RGS20: variants seen among roughly 807,000 people sequenced by gnomAD.
RGS20 encodes gz-selective GTPase-activating protein.
In RGS20, 30 loss-of-function variants were observed where a neutral mutation model predicts 33.6. The observed-to-expected ratio is 0.89, with a 90% CI of 0.67 to 1.21. The LOEUF (loss-of-function observed/expected upper bound fraction) is 1.21. Ranked by LOEUF, RGS20 falls within the 50% of genes most tolerant of loss-of-function variation. The probability of loss-of-function intolerance (pLI) is 0.00; values close to 1 mark genes in which losing one functional copy is unlikely to be tolerated. For missense variants in RGS20, 472 were observed against 502.4 expected (o/e 0.94, Z 0.58); for synonymous variants, 208 against 197.9 (o/e 1.05, Z -0.43).
chr8:53,952,541 A>G (rs926867672), intron 4 of RGS20, among the ~76,000 whole-genome samples: 28 of 151,924 alleles, frequency 1.8e-4, no homozygotes, highest in African/African-American at 6.5e-4. Context: ...CCTGGCCAAC[A>G]TGGTGAAACG....
chr8:53,892,137 G>A (rs375887973), intron 2 of RGS20, among the ~76,000 whole-genome samples: 17 of 152,178 alleles, frequency 1.1e-4, no homozygotes, highest in Admixed American at 6.5e-4. Context: ...GAGAACATGC[G>A]GTGTTTGGTT....
At chr8:53,864,291 G>A (rs763365401) in intron 1 of RGS20, among the ~76,000 whole-genome samples, 1 of 151,964 alleles carries the variant, frequency 6.6e-6, no homozygotes, top group Non-Finnish European at 1.5e-5. Flanking sequence ...AAAATCAGCT[G>A]GGCATGATGG....
chr8:53,952,430 TA>T (rs934212051), intron 4 of RGS20, among the ~76,000 whole-genome samples: 24 of 142,810 alleles, frequency 1.7e-4, no homozygotes, highest in East Asian at 2.1e-4. Flanking sequence ...TTGATAAACT[TA>T]AAAAAAAAAA....
At chr8:53,885,531 A>G (rs981614571) in intron 2 of RGS20, among the ~76,000 whole-genome samples, 5 of 152,010 alleles carry the variant, frequency 3.3e-5, no homozygotes, top group African/African-American at 7.2e-5. Flanking sequence ...GGAGAATGGC[A>G]TGAACCTGGG....
chr8:53,902,257 C>T (rs1238856574), intron 2 of RGS20, among the ~76,000 whole-genome samples: 1 of 152,170 alleles, frequency 6.6e-6, no homozygotes, highest in Non-Finnish European at 1.5e-5. Context: ...GCTGTGTCCT[C>T]CCAAAGTGCT....
chr8:53,943,599 T>G (rs973120189), intron 3 of RGS20, among the ~76,000 whole-genome samples: 1 of 152,012 alleles, frequency 6.6e-6, no homozygotes, highest in Non-Finnish European at 1.5e-5. Flanking sequence ...TAAAGAAAAC[T>G]TCACAAAAAA....
At chr8:53,859,003 G>C (rs1057307904) in intron 1 of RGS20, among the ~76,000 whole-genome samples, 33 of 152,052 alleles carry the variant, frequency 2.2e-4, no homozygotes, top group African/African-American at 7.2e-4. Flanking sequence ...ATAATCCAGG[G>C]GAGGAGGAAA....
At chr8:53,880,623 G>T (rs1303638073) in intron 2 of RGS20, among the ~76,000 whole-genome samples, 1 of 152,204 alleles carries the variant, frequency 6.6e-6, no homozygotes, top group Admixed American at 6.5e-5. Context: ...CCCGCGCGCC[G>T]AGGGGAGGCG....
intron 2 of RGS20, among the ~76,000 whole-genome samples, chr8:53,909,209 GTATATATATATATATATATATATATA>G (rs1178436696): frequency 0.011 from 475 of 43,744 alleles, 26 homozygotes; most frequent in African/African-American, 0.042. Flanking sequence ...TGGTATGTGT[GTATATATATATATATATATATATATA>G]TATATATATA....
chr8:53,954,452 T>C (rs538003355), intron 5 of RGS20, 142 bp downstream of exon 4: 1 of 569,236 alleles, frequency 1.8e-6, no homozygotes, highest in Non-Finnish European at 3.2e-6. Flanking sequence ...TCACCTGAGG[T>C]GAGGAGTTGG....
chr8:53,909,915 A>G (rs1001335520), intron 2 of RGS20, among the ~76,000 whole-genome samples: 5 of 152,188 alleles, frequency 3.3e-5, no homozygotes, highest in African/African-American at 1.2e-4. Flanking sequence ...CTTTCCTTCT[A>G]GAGTCCTTTG....
chr8:53,935,626 C>CA (rs1277633419), intron 2 of RGS20, among the ~76,000 whole-genome samples: 1 of 151,896 alleles, frequency 6.6e-6, no homozygotes, highest in African/African-American at 2.4e-5. Context: ...GCCTACCAAC[C>CA]AAAAAAAGGC....
At chr8:53,916,997 C>T (rs1032473333) in intron 2 of RGS20, among the ~76,000 whole-genome samples, 1 of 152,132 alleles carries the variant, frequency 6.6e-6, no homozygotes, top group African/African-American at 2.4e-5. Context: ...CCTAGGGCCC[C>T]ACTTCCAAAT....
chr8:53,954,029 A>G (rs1406015105), intron 4 of RGS20, 47 bp from the exon 4 acceptor site: 1 of 1,241,580 alleles, frequency 8.1e-7, no homozygotes, highest in African/African-American at 1.5e-5. Flanking sequence ...CCAATTAACT[A>G]CCACTAACAG....
chr8:53,925,327 G>C (rs918581342), intron 2 of RGS20, among the ~76,000 whole-genome samples: 1 of 151,976 alleles, frequency 6.6e-6, no homozygotes, highest in Non-Finnish European at 1.5e-5. Flanking sequence ...ATTCACAATA[G>C]CTTTTTGGAT....
chr8:53,910,942 T>A lies in RGS20; in HGVS notation c.511-28634T>A, dbSNP rs375014005. ...ACATGTTAAAATCATACAGGCCACA[T>A]TTTCTGATCAAAATGTAAAGAAACA... On this transcript the variant is annotated intron_variant, in intron 2 of 5. Transcript: ENST00000297313. Among the ~76,000 whole-genome samples the A allele has an allele frequency of 3.9e-5, 6 of 152,182 alleles. No homozygotes were observed. In the East Asian group the frequency reaches 9.6e-4, roughly 24 times the overall value.
chr8:53,853,722 C>T (rs1333795429), intron 1 of RGS20, among the ~76,000 whole-genome samples: 1 of 152,182 alleles, frequency 6.6e-6, no homozygotes, highest in African/African-American at 2.4e-5. Context: ...AGAGAAAGAG[C>T]AAGATATGCT....
At position 53,958,314 on chromosome 8, in the gene RGS20, G is replaced by A. The variant is rs1318310725; in HGVS notation, c.1023G>A (p.Met341Ile). The A allele has an allele frequency of 1.6e-5, 26 of 1,613,426 alleles. No individual in the cohort carries two copies. The highest frequency in any genetic ancestry group is 2.2e-5 in the Non-Finnish European group (26 of 1,179,782). ...TGAGAGAAGTGATCAACAGAAACATGGTGGAGCCATCCCAACACATATTCG... is the reference window on the plus strand; with the variant it reads ...TGAGAGAAGTGATCAACAGAAACATAGTGGAGCCATCCCAACACATATTCG... Residue 341 changes from methionine (M) to isoleucine (I), a missense_variant, in exon 6 of 6, where the codon ATG (methionine) becomes ATA (isoleucine). Physicochemically the swap from Met to Ile is conservative, Grantham distance 10. This residue lies in a region of RGS20 where 125 missense variants were observed against 169.5 expected (regional missense o/e 0.74). Coordinates refer to ENST00000297313, the MANE Select transcript of RGS20 (RefSeq NM_170587.4).
intron 2 of RGS20, among the ~76,000 whole-genome samples, chr8:53,919,959 T>C (rs1171268162): frequency 6.6e-6 from 1 of 152,194 alleles, no homozygotes; most frequent in Non-Finnish European, 1.5e-5. Context: ...CACTGCAGCC[T>C]CAACTTCTGG....
Sources: gnomAD v4.1 joint callset for allele counts (sites outside exome capture counted in the v4.1 genomes callset) on GRCh38, gnomAD v4.1.1 for gene constraint, gnomAD v4.1.1 regional missense constraint, MANE v1.5 for transcripts, NCBI Gene and HGNC (gene_info 2026-07-23, HGNC 2026-07-21) for gene names.